The following BCAR1 variants were observed in gnomAD, a reference collection of about 807,000 sequenced individuals.
BCAR1 encodes the protein breast cancer anti-estrogen resistance protein 1.
BCAR1 carries 30 observed loss-of-function variants against 67.6 expected under a neutral mutation model. That is an observed-to-expected ratio of 0.44 (90% CI 0.33 to 0.60). BCAR1 has a LOEUF of 0.60. Ranked by LOEUF, BCAR1 falls within the 20% of genes least tolerant of loss-of-function variation. The pLI, the probability that BCAR1 is intolerant of heterozygous loss-of-function variation, is 0.02. For missense variants in BCAR1, 1,313 were observed against 1,222.3 expected (o/e 1.07, Z -1.11); for synonymous variants, 626 against 556.7 (o/e 1.12, Z -1.75).
At chr16:75,251,024 G>T in intron 1 of BCAR1, 1 of 978,664 alleles carries the variant, frequency 1.0e-6, no homozygotes, top group Non-Finnish European at 1.2e-6. Flanking sequence ...TCGGTCCCCC[G>T]GAGCTCCTCC....
At chr16:75,265,805 CCGGGCGGCG>C in intron 1 of BCAR1, 1 of 1,197,970 alleles carries the variant, frequency 8.3e-7, no homozygotes, top group Non-Finnish European at 1.0e-6. Context: ...GCCCGGGGTC[CCGGGCGGCG>C]CGGTACTCAC....
chr16:75,256,726 A>G (rs921731088), intron 1 of BCAR1, among the ~76,000 whole-genome samples: 1 of 151,718 alleles, frequency 6.6e-6, no homozygotes, highest in Non-Finnish European at 1.5e-5. Context: ...GGCCGGTGTG[A>G]GCCAGCAAGG....
intron 1 of BCAR1, chr16:75,243,336 C>A: frequency 1.6e-6 from 1 of 638,272 alleles, no homozygotes; most frequent in Non-Finnish European, 2.8e-6. Flanking sequence ...CTCTTGACCA[C>A]TGTCACCACC....
chr16:75,266,897 C>G lies in BCAR1; in HGVS notation c.66+1018G>C, dbSNP rs557847571. On this transcript the variant is annotated intron_variant, in intron 1 of 6. Coordinates refer to the BCAR1 transcript ENST00000393422. Reference sequence around the variant, plus strand: ...GGTTTGCCGCAGCCCGGGCTCATGGCGGGGACCTGGGGGCAGAAAGCTCCA... The same window carrying G: ...GGTTTGCCGCAGCCCGGGCTCATGGGGGGGACCTGGGGGCAGAAAGCTCCA... 53 of 812,152 alleles carry G rather than the reference C, an allele frequency of 6.5e-5. No homozygotes were observed. In the African/African-American group the frequency reaches 8.1e-4, roughly 12 times the overall value. 50.3% of individuals were successfully genotyped at this position (812,152 alleles called of 1,614,324 possible).
Position 75,228,584 on chromosome 16 carries a change from A to G in BCAR1, c.*927T>C, listed in dbSNP as rs1289019060. 1.3e-5 allele frequency: 2 copies of G among 152,284 alleles called. No homozygotes were observed. Among genetic ancestry groups the G allele is most frequent in the East Asian group, 3.9e-4 (2 of 5,190 alleles). 9.4% of individuals were successfully genotyped at this position (152,284 alleles called of 1,614,324 possible). A position where few individuals can be genotyped will look rare whatever the true frequency, so the allele number is the denominator to read the frequency against. On this transcript the variant is annotated 3_prime_UTR_variant, in exon 7 of 7. Coordinates refer to ENST00000162330, the MANE Select transcript of BCAR1 (RefSeq NM_014567.5). ...CGGGAGTTCCGCAGGCTGGGATGAG[A>G]TTCTTTTAAGCAGAGCTCTGGATGC... is the stretch of plus-strand genomic sequence containing the variant.
In BCAR1 at chr16:75,229,736, C is replaced by T; in HGVS notation, c.2388G>A (p.Gly796=). The change falls in exon 7 of 7, where the codon GGG becomes GGA. Residue 796 remains glycine, a synonymous_variant. Transcript: ENST00000162330. Reference sequence around the variant, plus strand: ...CCTTGGCCTGCCGTGACAGTGTGTCCCCGATGAACACCAGCTTGTGGGCGC... The same window carrying T: ...CCTTGGCCTGCCGTGACAGTGTGTCTCCGATGAACACCAGCTTGTGGGCGC... The part of the protein sequence containing the change: ...ILSAHKLVFI[G]DTLSRQAKAA... 1 of 1,613,366 alleles carries T rather than the reference C, an allele frequency of 6.2e-7. No individual in the cohort carries two copies. The highest frequency in any genetic ancestry group is 1.1e-5 in the South Asian group (1 of 91,084).
intron 1 of BCAR1, among the ~76,000 whole-genome samples, chr16:75,260,787 C>T (rs1031259561): frequency 8.5e-5 from 13 of 152,152 alleles, no homozygotes; most frequent in African/African-American, 2.7e-4. Context: ...AAAATAGATA[C>T]TGCAAGCCTA....
intron 2 of BCAR1, among the ~76,000 whole-genome samples, chr16:75,240,667 C>T (rs1477906022): frequency 6.6e-6 from 1 of 152,188 alleles, no homozygotes; most frequent in Non-Finnish European, 1.5e-5. Flanking sequence ...ACAAGCATTG[C>T]TTTTGTGATC....
chr16:75,233,732 CA>C (rs2151396810), intron 6 of BCAR1, 113 bp downstream of exon 6: 1 of 1,080,168 alleles, frequency 9.3e-7, no homozygotes, highest in East Asian at 2.6e-5. Flanking sequence ...CAGCTCTGAG[CA>C]CTGTCAGACA....
rs2076775265 is a variant in BCAR1, at chr16:75,228,272, T to C, written c.*1239A>G. On this transcript the variant is annotated 3_prime_UTR_variant, in exon 7 of 7. Coordinates refer to ENST00000162330, the MANE Select transcript of BCAR1 (RefSeq NM_014567.5). ...GGCTGAGGTGGGGGGACAGATGCTG[T>C]CACGGGGACAACCTCTGTAGAGGTA... 6.6e-6 allele frequency: 1 copy of C among 152,394 alleles called. No individual in the cohort carries two copies. The highest frequency in any genetic ancestry group is 1.5e-5 in the Non-Finnish European group (1 of 68,164). The allele number at this position is 152,394 out of a possible 1,614,324, so 9.4% of individuals were successfully genotyped here. A position where few individuals can be genotyped will look rare whatever the true frequency, so the allele number is the denominator to read the frequency against.
chr16:75,245,048 G>C (rs570600318), intron 1 of BCAR1, among the ~76,000 whole-genome samples: 1 of 152,354 alleles, frequency 6.6e-6, no homozygotes, highest in South Asian at 2.1e-4. Context: ...AGGCTCTGAG[G>C]CAGGACGGGA....
At chr16:75,267,394 C>CGGGGGGG (rs66513768) in intron 1 of BCAR1, among the ~76,000 whole-genome samples, 2 of 124,812 alleles carry the variant, frequency 1.6e-5, no homozygotes, top group Admixed American at 7.3e-5. Context: ...CACAGCAAGC[C>CGGGGGGG]GGGGGGGGGG....
chr16:75,246,768 C>G (rs915277581), intron 1 of BCAR1: 1 of 152,442 alleles, frequency 6.6e-6, no homozygotes, highest in Non-Finnish European at 1.5e-5. Context: ...CCCCCGGAAC[C>G]CCTGCCATGC....
At chr16:75,252,072 G>A (rs1165029501), upstream of BCAR1, among the ~76,000 whole-genome samples, 2 of 152,120 alleles carry the variant, frequency 1.3e-5, no homozygotes, top group Non-Finnish European at 1.5e-5. Context: ...TCTGAATCTA[G>A]AGGGAAAGGG....
intron 1 of BCAR1, among the ~76,000 whole-genome samples, chr16:75,245,764 G>A (rs76293315): frequency 0.053 from 8,102 of 152,016 alleles, 314 homozygotes; most frequent in Non-Finnish European, 0.077. Flanking sequence ...GTACACAACC[G>A]ACCACTCCAG....
intron 1 of BCAR1, chr16:75,250,925 GC>G: frequency 1.0e-6 from 1 of 985,420 alleles, no homozygotes; most frequent in Non-Finnish European, 1.2e-6. Flanking sequence ...GGAACCCCGC[GC>G]CGGCGGCCGG....
chr16:75,238,792 G>A, intron 2 of BCAR1: 2 of 985,526 alleles, frequency 2.0e-6, no homozygotes, highest in South Asian at 9.4e-5. Flanking sequence ...TTAGATGCAG[G>A]GACCTGCCAA....
chr16:75,263,383 G>A, intron 1 of BCAR1: 1 of 985,432 alleles, frequency 1.0e-6, no homozygotes, highest in Non-Finnish European at 1.2e-6. Flanking sequence ...GTCAGGCCCA[G>A]AGCGCTGGGC....
At chr16:75,250,492 C>G (rs894717276) in intron 1 of BCAR1, among the ~76,000 whole-genome samples, 1 of 152,174 alleles carries the variant, frequency 6.6e-6, no homozygotes, top group African/African-American at 2.4e-5. Context: ...AAAGCTGCGG[C>G]GGGCCCCGGG....
Sources: allele counts gnomAD v4.1 joint callset (sites outside exome capture counted in the v4.1 genomes callset), GRCh38; gene constraint gnomAD v4.1.1; transcripts MANE v1.5; gene names NCBI Gene and HGNC (gene_info 2026-07-23, HGNC 2026-07-21).